Variants in ZMAT4 observed in about 807,000 individuals in gnomAD.
ZMAT4 encodes the protein zinc finger matrin-type protein 4.
A neutral mutation model predicts 28.7 loss-of-function variants in ZMAT4; 17 were observed. That is an observed-to-expected ratio of 0.59 (90% CI 0.41 to 0.89). ZMAT4 has a LOEUF of 0.89. Among genes scored for constraint, ZMAT4 ranks in the 40% least tolerant of loss-of-function variants. ZMAT4 has a pLI of 0.00. For missense variants in ZMAT4, 240 were observed against 283.8 expected, an observed-to-expected ratio of 0.85 and a Z score of 1.11; for synonymous variants, 117 against 109.2, an observed-to-expected ratio of 1.07 and a Z score of -0.44.
chr8:40,541,571 C>T (rs951036613), intron 6 of ZMAT4, among the ~76,000 whole-genome samples: 1 of 152,184 alleles, frequency 6.6e-6, no homozygotes, highest in Non-Finnish European at 1.5e-5. Context: ...TGGCCAGTGG[C>T]TACTGTGTTA....
intron 5 of ZMAT4, among the ~76,000 whole-genome samples, chr8:40,583,135 A>T (rs1804549063): frequency 6.6e-6 from 1 of 152,108 alleles, no homozygotes; most frequent in Non-Finnish European, 1.5e-5. Flanking sequence ...GCCTGTGGAG[A>T]AGGGATTGCA....
At chr8:40,638,278 G>T (rs2118751310) in intron 5 of ZMAT4, among the ~76,000 whole-genome samples, 1 of 152,272 alleles carries the variant, frequency 6.6e-6, no homozygotes, top group East Asian at 1.9e-4. Context: ...GGCCTGATTT[G>T]ATCATTCCAC....
intron 3 of ZMAT4, among the ~76,000 whole-genome samples, chr8:40,744,162 C>T (rs1812126785): frequency 6.6e-6 from 1 of 152,202 alleles, no homozygotes; most frequent in Non-Finnish European, 1.5e-5. Flanking sequence ...ACCTTGGATT[C>T]TCCAACCCTA....
intron 5 of ZMAT4, among the ~76,000 whole-genome samples, chr8:40,610,092 A>T (rs1343165294): frequency 6.6e-6 from 1 of 152,254 alleles, no homozygotes; most frequent in Non-Finnish European, 1.5e-5. Context: ...AATATAAACA[A>T]ATAAAAATAT....
intron 6 of ZMAT4, among the ~76,000 whole-genome samples, chr8:40,543,596 T>G (rs1803110132): frequency 6.6e-6 from 1 of 152,178 alleles, no homozygotes; most frequent in Non-Finnish European, 1.5e-5. Context: ...TCATGGAACC[T>G]AGAGCAGATG....
At chr8:40,879,166 A>G (rs74616964) in intron 1 of ZMAT4, among the ~76,000 whole-genome samples, 6,401 of 152,214 alleles carry the variant, frequency 0.042, 420 homozygotes, top group African/African-American at 0.14. Context: ...GCGTACCTAC[A>G]ATCCCAACAC....
At chr8:40,771,430 T>G (rs1428761605) in intron 2 of ZMAT4, among the ~76,000 whole-genome samples, 1 of 151,844 alleles carries the variant, frequency 6.6e-6, no homozygotes, top group Non-Finnish European at 1.5e-5. Context: ...AACATAAATA[T>G]AATAATAATA....
At chr8:40,606,220 T>C (rs1023407706) in intron 5 of ZMAT4, among the ~76,000 whole-genome samples, 5 of 152,214 alleles carry the variant, frequency 3.3e-5, no homozygotes, top group Non-Finnish European at 4.4e-5. Context: ...ATCATGCTAG[T>C]TGTTTCCTGA....
intron 5 of ZMAT4, among the ~76,000 whole-genome samples, chr8:40,629,932 T>C (rs1806514100): frequency 6.6e-6 from 1 of 152,202 alleles, no homozygotes; most frequent in African/African-American, 2.4e-5. Flanking sequence ...AGTAATGGGA[T>C]GGCTGGGTCA....
At chr8:40,785,199 C>T (rs1303779507) in intron 2 of ZMAT4, among the ~76,000 whole-genome samples, 1 of 152,212 alleles carries the variant, frequency 6.6e-6, no homozygotes, top group African/African-American at 2.4e-5. Flanking sequence ...AAGACTGACC[C>T]GTCTCTGAAA....
intron 5 of ZMAT4, among the ~76,000 whole-genome samples, chr8:40,651,723 C>T (rs538084065): frequency 6.6e-6 from 1 of 151,750 alleles, no homozygotes; most frequent in Non-Finnish European, 1.5e-5. Context: ...GGTACTGGTA[C>T]CAAAACAGAG....
intron 2 of ZMAT4, among the ~76,000 whole-genome samples, chr8:40,768,029 A>G (rs781643511): frequency 7.2e-5 from 11 of 152,202 alleles, no homozygotes; most frequent in Non-Finnish European, 1.5e-4. Context: ...ATAAAAACAA[A>G]TAAGCAAAGG....
chr8:40,606,956 T>C (rs547112996), intron 5 of ZMAT4, among the ~76,000 whole-genome samples: 1 of 152,206 alleles, frequency 6.6e-6, no homozygotes, highest in Non-Finnish European at 1.5e-5. Context: ...AAACTTTGTC[T>C]TCAAGCTCAG....
chr8:40,684,107 A>G (rs775557685), intron 4 of ZMAT4, among the ~76,000 whole-genome samples: 4 of 152,146 alleles, frequency 2.6e-5, no homozygotes, highest in Admixed American at 2.0e-4. Context: ...TTATTGGGAC[A>G]TAAGTACTGA....
rs1460899112 is a variant in ZMAT4, at chr8:40,697,173, GGAGCAT to G, written c.349+66_349+71del. On this transcript the variant is annotated intron_variant, in intron 4 of 6. Transcript: ENST00000297737. The stretch of plus-strand genomic sequence containing the variant: ...GGTTCTGGCAACTGCGTCTGAAGGA[GGAGCAT>G]GATCTGCAAGACAGGCCAGCACTTG... 2.7e-6 allele frequency: 4 copies of G among 1,459,032 alleles called. No homozygotes were observed. In the South Asian group the frequency reaches 6.0e-5, roughly 22 times the overall value. 90.4% of individuals were successfully genotyped at this position (1,459,032 alleles called of 1,614,324 possible). A position where few individuals can be genotyped will look rare whatever the true frequency, so the allele number is the denominator to read the frequency against.
chr8:40,711,199 G>T (rs951207986), intron 3 of ZMAT4, among the ~76,000 whole-genome samples: 6 of 152,084 alleles, frequency 3.9e-5, no homozygotes, highest in Non-Finnish European at 8.8e-5. Context: ...ACTGATAAAA[G>T]AAAAGAATGA....
rs574631613 is a variant in ZMAT4 at position 40,704,012 on chromosome 8, G to T, written c.193-6611C>A. ...TGATCACTGGTGTTGATTTTGGCAA[G>T]ACATTCTGTGGCTATAATGAAACTC... On this transcript the variant is annotated intron_variant, in intron 3 of 6. Transcript: ENST00000297737. 2.6e-5 allele frequency among the ~76,000 whole-genome samples: 4 copies of T among 152,270 alleles called. No individual in the cohort carries two copies. The South Asian group carries it at 8.3e-4, about 32-fold the overall frequency.
chr8:40,600,592 C>G (rs1805267423), intron 5 of ZMAT4, among the ~76,000 whole-genome samples: 1 of 152,172 alleles, frequency 6.6e-6, no homozygotes, highest in Non-Finnish European at 1.5e-5. Flanking sequence ...TAATTCTATG[C>G]CCCAGGACAG....
In ZMAT4 at chr8:40,595,792, C is replaced by T. The variant is rs933653213; in HGVS notation, c.578-14531G>A. On this transcript the variant is annotated intron_variant, in intron 5 of 6. Coordinates refer to ENST00000297737, the MANE Select transcript of ZMAT4 (RefSeq NM_024645.3). ...ATTTATGTAAAAAGTACTATAAAAC[C>T]GCAATGTAAGGCTGGGCACGGTGGC... Among the ~76,000 whole-genome samples the T allele has an allele frequency of 5.1e-4, 78 of 151,770 alleles. 1 individual carries two copies. Among genetic ancestry groups the T allele is most frequent in the Non-Finnish European group, 5.3e-4 (36 of 67,932 alleles).
Sources: gnomAD v4.1 joint callset for allele counts (sites outside exome capture counted in the v4.1 genomes callset) on GRCh38, gnomAD v4.1.1 for gene constraint, MANE v1.5 for transcripts, NCBI Gene and HGNC (gene_info 2026-07-23, HGNC 2026-07-21) for gene names.